The following RFX7 variants were observed in gnomAD, a reference collection of about 807,000 sequenced individuals.
RFX7 encodes DNA-binding protein RFX7.
In RFX7, 26 loss-of-function variants were observed where a neutral mutation model predicts 111.8. That is an observed-to-expected ratio of 0.23 (90% confidence interval 0.17 to 0.32). The LOEUF is 0.32. Among genes scored for constraint, RFX7 ranks in the 10% least tolerant of loss-of-function variants. The pLI is 1.00. For missense variants in RFX7, 1,573 were observed against 1,772.9 expected (o/e 0.89, Z 2.02); for synonymous variants, 624 against 624.4 (o/e 1.00, Z 0.01).
At chr15:56,122,694 GA>G (rs1567016791) in intron 5 of RFX7, among the ~76,000 whole-genome samples, 1 of 152,114 alleles carries the variant, frequency 6.6e-6, no homozygotes, top group African/African-American at 2.4e-5. Context: ...AGAAACCTTA[GA>G]AATCTACCTG....
At chr15:56,197,430 C>A (rs1407441416) in intron 2 of RFX7, among the ~76,000 whole-genome samples, 1 of 152,248 alleles carries the variant, frequency 6.6e-6, no homozygotes, top group South Asian at 2.1e-4. Context: ...TTACCGTGAG[C>A]TCCCAAAGTT....
intron 2 of RFX7, 57 bp downstream of exon 2, chr15:56,243,068 C>CAT: frequency 8.0e-7 from 1 of 1,245,106 alleles, no homozygotes; most frequent in Non-Finnish European, 1.1e-6. Context: ...CCCCCACCCA[C>CAT]TTTGCAGCAG....
At position 56,102,195 on chromosome 15, in the gene RFX7, G is replaced by T. The variant is rs748605301; in HGVS notation, c.577C>A (p.Leu193Ile). ...CCATCTCCAGTTTTGTGAAAGTCAA[G>T]GTTGGGCAGTGTTGGCATATGAACA... ...AFVHMPTLPN[L>I]DFHKTGDGLE... The change falls in exon 7 of 10, where the codon CTT (leucine) becomes ATT (isoleucine). Residue 193 changes from leucine (L) to isoleucine (I), a missense_variant. Physicochemically the swap from Leu to Ile is conservative, Grantham distance 5. This residue lies in a region of RFX7 where 288 missense variants were observed against 337.9 expected (regional missense o/e 0.85). Coordinates refer to ENST00000559447, the MANE Select transcript of RFX7 (RefSeq NM_022841.7). 25 of 1,612,494 alleles carry T rather than the reference G, an allele frequency of 1.6e-5. No individual in the cohort carries two copies. The highest frequency in any genetic ancestry group is 2.0e-5 in the Non-Finnish European group (24 of 1,179,136).
At chr15:56,186,554 A>C (rs1344179392) in intron 2 of RFX7, among the ~76,000 whole-genome samples, 1 of 152,086 alleles carries the variant, frequency 6.6e-6, no homozygotes, top group Non-Finnish European at 1.5e-5. Context: ...CTGCCACAAG[A>C]GCTCAACTAT....
At chr15:56,232,915 C>T (rs770454300) in intron 2 of RFX7, among the ~76,000 whole-genome samples, 1 of 152,208 alleles carries the variant, frequency 6.6e-6, no homozygotes, top group Non-Finnish European at 1.5e-5. Context: ...GGCCATTCAA[C>T]AAGTCTCTAG....
chr15:56,219,700 C>G (rs2043403779), intron 2 of RFX7, among the ~76,000 whole-genome samples: 1 of 152,138 alleles, frequency 6.6e-6, no homozygotes, highest in Non-Finnish European at 1.5e-5. Context: ...TAATCTCATT[C>G]TTTATTATGG....
intron 5 of RFX7, among the ~76,000 whole-genome samples, chr15:56,133,971 T>C (rs1373508598): frequency 4.6e-5 from 7 of 152,196 alleles, no homozygotes; most frequent in African/African-American, 1.7e-4. Flanking sequence ...ATACTAACCA[T>C]ATGTAAACTA....
intron 5 of RFX7, among the ~76,000 whole-genome samples, chr15:56,123,538 A>G (rs558430329): frequency 6.6e-6 from 1 of 152,298 alleles, no homozygotes; most frequent in South Asian, 2.1e-4. Flanking sequence ...GGTTGAGGGA[A>G]GGCTGATGCA....
intron 2 of RFX7, among the ~76,000 whole-genome samples, chr15:56,197,237 C>T (rs1252801351): frequency 6.6e-6 from 1 of 151,944 alleles, no homozygotes; most frequent in East Asian, 1.9e-4. Context: ...ATTTTATTTA[C>T]TAATAGAAGC....
At chr15:56,148,184 A>AT (rs2042511025) in intron 3 of RFX7, among the ~76,000 whole-genome samples, 2 of 152,226 alleles carry the variant, frequency 1.3e-5, no homozygotes, top group African/African-American at 4.8e-5. Context: ...GGAATCTTTG[A>AT]ACTCAAGTTT....
intron 5 of RFX7, among the ~76,000 whole-genome samples, chr15:56,117,286 T>C (rs148212435): frequency 3.5e-4 from 53 of 152,184 alleles, no homozygotes; most frequent in African/African-American, 9.9e-4. Context: ...AGAGAACAAG[T>C]AGATTTACTC....
At chr15:56,223,277 C>A (rs2043445659) in intron 2 of RFX7, among the ~76,000 whole-genome samples, 1 of 152,204 alleles carries the variant, frequency 6.6e-6, no homozygotes, top group Non-Finnish European at 1.5e-5. Context: ...CTCTAAGCAG[C>A]TCTCTTCCTT....
chr15:56,142,373 G>T (rs1254366015), intron 5 of RFX7, among the ~76,000 whole-genome samples: 1 of 152,080 alleles, frequency 6.6e-6, no homozygotes, highest in Admixed American at 6.5e-5. Flanking sequence ...CATGAAAAGG[G>T]CCTTTAAAAA....
intron 2 of RFX7, among the ~76,000 whole-genome samples, chr15:56,185,383 C>T (rs935295502): frequency 4.6e-5 from 7 of 152,084 alleles, no homozygotes; most frequent in Non-Finnish European, 8.8e-5. Flanking sequence ...CTCTATTTAT[C>T]TGCTAGAGGG....
At chr15:56,236,976 C>T (rs1309552389) in intron 2 of RFX7, among the ~76,000 whole-genome samples, 1 of 152,168 alleles carries the variant, frequency 6.6e-6, no homozygotes, top group Non-Finnish European at 1.5e-5. Flanking sequence ...CACAAGGTAG[C>T]AATAAGCAAG....
At chr15:56,210,538 A>G (rs375690448) in intron 2 of RFX7, among the ~76,000 whole-genome samples, 25 of 152,262 alleles carry the variant, frequency 1.6e-4, no homozygotes, top group Middle Eastern at 3.4e-3. Context: ...AACATTCACC[A>G]AGACAGATCA....
intron 3 of RFX7, among the ~76,000 whole-genome samples, chr15:56,177,242 G>A (rs141110825): frequency 7.3e-4 from 111 of 152,238 alleles, no homozygotes; most frequent in Non-Finnish European, 1.3e-3. Flanking sequence ...GCACTCAAAT[G>A]TCATCTCCTC....
At chr15:56,173,641 G>A (rs2042870011) in intron 3 of RFX7, among the ~76,000 whole-genome samples, 1 of 151,784 alleles carries the variant, frequency 6.6e-6, no homozygotes. Context: ...AATTAGCTGG[G>A]TGTAGTGGCG....
At chr15:56,135,973 A>G (rs1211238197) in intron 5 of RFX7, among the ~76,000 whole-genome samples, 1 of 152,052 alleles carries the variant, frequency 6.6e-6, no homozygotes, top group African/African-American at 2.4e-5. Context: ...CCATTGATCT[A>G]TATCTCTGTT....
Sources: allele counts gnomAD v4.1 joint callset (sites outside exome capture counted in the v4.1 genomes callset), GRCh38; gene constraint gnomAD v4.1.1; regional missense constraint gnomAD v4.1.1; transcripts MANE v1.5; gene names NCBI Gene and HGNC (gene_info 2026-07-23, HGNC 2026-07-21).